STK32B: variants seen among roughly 807,000 people sequenced by gnomAD.
The protein encoded by STK32B is serine/threonine-protein kinase 32B.
Under a neutral mutation model 52.6 loss-of-function variants are expected in STK32B, and 43 were observed. The ratio of observed to expected loss-of-function variants is 0.82; its 90% confidence interval spans 0.64 to 1.05. The LOEUF is 1.05. Among genes scored for constraint, STK32B ranks in the 50% least tolerant of loss-of-function variants. STK32B has a pLI of 0.00. For missense variants in STK32B, 621 were observed against 534.6 expected, an observed-to-expected ratio of 1.16 and a Z score of -1.59; for synonymous variants, 238 against 204.3, an observed-to-expected ratio of 1.17 and a Z score of -1.41.
At chr4:5,110,900 T>C (rs1275370270) in intron 1 of STK32B, among the ~76,000 whole-genome samples, 1 of 151,162 alleles carries the variant, frequency 6.6e-6, no homozygotes, top group Non-Finnish European at 1.5e-5. Flanking sequence ...TATAAGGAAC[T>C]CAAGCAACTC....
chr4:5,207,445 A>T (rs917845720), intron 3 of STK32B, among the ~76,000 whole-genome samples: 1 of 151,946 alleles, frequency 6.6e-6, no homozygotes, highest in Non-Finnish European at 1.5e-5. Context: ...ACCATGTAAG[A>T]CGTGACTTTG....
At chr4:5,312,870 C>T (rs1411898908) in intron 3 of STK32B, among the ~76,000 whole-genome samples, 1 of 152,034 alleles carries the variant, frequency 6.6e-6, no homozygotes, top group Non-Finnish European at 1.5e-5. Flanking sequence ...ACAGTGACTT[C>T]CACAATGGAT....
intron 2 of STK32B, among the ~76,000 whole-genome samples, chr4:5,157,548 G>C (rs189903554): frequency 2.2e-4 from 33 of 152,238 alleles, no homozygotes; most frequent in Non-Finnish European, 4.4e-4. Context: ...AAAGAAATGG[G>C]CCACGTGGGG....
chr4:5,318,016 A>G (rs1731226357), intron 3 of STK32B, among the ~76,000 whole-genome samples: 1 of 152,150 alleles, frequency 6.6e-6, no homozygotes, highest in Non-Finnish European at 1.5e-5. Flanking sequence ...AGGTCCCCAG[A>G]TCCTTCTGAA....
rs182020986 is a variant in STK32B, at chr4:5,185,178, T to G, written c.260+16728T>G. Among the ~76,000 whole-genome samples the G allele has an allele frequency of 4.6e-3, 704 of 152,366 alleles. 8 individuals are homozygous for G. Among genetic ancestry groups the G allele is most frequent in the Non-Finnish European group, 3.3e-3 (227 of 68,030 alleles). On this transcript the variant is annotated intron_variant, in intron 3 of 11. Transcript: ENST00000282908. ...CTGCATTTTCAAAATCCATTTCTAC[T>G]TACCTAATTGGCTGTATTTACTAGA...
chr4:5,324,541 G>A lies in STK32B; in HGVS notation c.261-6679G>A, dbSNP rs1399837090. ...AGGGTTTTTCAACCTCAGCACTGTT[G>A]CCATTTTGCAGTAGGTGATTGTGGT... On this transcript the variant is annotated intron_variant, in intron 3 of 11. Coordinates refer to ENST00000282908, the MANE Select transcript of STK32B (RefSeq NM_018401.3). 2.0e-5 allele frequency among the ~76,000 whole-genome samples: 3 copies of A among 152,152 alleles called. No homozygotes were observed. The East Asian group carries it at 5.8e-4, about 29-fold the overall frequency.
At chr4:5,201,354 A>G (rs889544920) in intron 3 of STK32B, among the ~76,000 whole-genome samples, 1 of 152,108 alleles carries the variant, frequency 6.6e-6, no homozygotes, top group African/African-American at 2.4e-5. Flanking sequence ...GCAGGTTTCC[A>G]TGGGGCCGGA....
intron 3 of STK32B, among the ~76,000 whole-genome samples, chr4:5,199,603 G>C (rs62298534): frequency 0.081 from 12,186 of 150,672 alleles, 871 homozygotes; most frequent in Admixed American, 0.18. Flanking sequence ...ACTTCTCTTT[G>C]GTTTTCTAAT....
intron 3 of STK32B, among the ~76,000 whole-genome samples, chr4:5,286,701 A>G (rs537208528): frequency 6.6e-6 from 1 of 152,126 alleles, no homozygotes; most frequent in East Asian, 1.9e-4. Flanking sequence ...AATCTGTTGG[A>G]ATTCAAAATA....
intron 7 of STK32B, among the ~76,000 whole-genome samples, chr4:5,447,520 C>G (rs1341366826): frequency 6.6e-6 from 1 of 152,106 alleles, no homozygotes. Context: ...CTTGTAGTCT[C>G]AGCTACTTGG....
intron 1 of STK32B, among the ~76,000 whole-genome samples, chr4:5,083,587 A>G (rs1231744858): frequency 1.3e-5 from 2 of 152,244 alleles, no homozygotes; most frequent in Non-Finnish European, 2.9e-5. Flanking sequence ...CATTACTGCT[A>G]TTTTAAACTA....
At position 5,399,744 on chromosome 4, in the gene STK32B, C is replaced by G. The variant is rs1201847144; in HGVS notation, c.472+1500C>G. 6.6e-6 allele frequency among the ~76,000 whole-genome samples: 1 copy of G among 152,146 alleles called. No homozygotes were observed. The highest frequency in any genetic ancestry group is 6.5e-5 in the Admixed American group (1 of 15,276). Reference sequence around the variant, plus strand: ...CAGCAGCGATGCAGAAGTAATTGACCCACCTTGCAGGGTGGTGAATGTCTC... The same window carrying G: ...CAGCAGCGATGCAGAAGTAATTGACGCACCTTGCAGGGTGGTGAATGTCTC... On this transcript the variant is annotated intron_variant, in intron 5 of 11. Transcript: ENST00000282908. The surrounding 1 kb of genome is among the most constrained non-coding windows in gnomAD (Gnocchi z 5.4).
At chr4:5,279,339 AG>A (rs1728045009) in intron 3 of STK32B, among the ~76,000 whole-genome samples, 1 of 152,254 alleles carries the variant, frequency 6.6e-6, no homozygotes, top group South Asian at 2.1e-4. Context: ...TTTGAAACCC[AG>A]TAAGGCAGTC....
rs9993373 is a variant in STK32B, at chr4:5,293,313, C to A, written c.261-37907C>A. Among the ~76,000 whole-genome samples, 5 of 151,862 alleles carry A rather than the reference C, an allele frequency of 3.3e-5. No homozygotes were observed. In the South Asian group the frequency reaches 1.0e-3, roughly 32 times the overall value. On this transcript the variant is annotated intron_variant, in intron 3 of 11. Coordinates refer to ENST00000282908, the MANE Select transcript of STK32B (RefSeq NM_018401.3). ...CCTTTGGGTATATACCCAGTAATGA[C>A]ATTACTGGGTCAAATGGTATTTTTG...
intron 1 of STK32B, among the ~76,000 whole-genome samples, chr4:5,127,449 C>T (rs1037085785): frequency 6.6e-6 from 1 of 152,112 alleles, no homozygotes; most frequent in African/African-American, 2.4e-5. Flanking sequence ...GTGGCTCATT[C>T]AGTTACATCC....
rs1716949646 is a variant in STK32B, at chr4:5,460,514, T to C, written c.909+286T>C. Among the ~76,000 whole-genome samples the C allele has an allele frequency of 6.6e-6, 1 of 152,146 alleles. No individual in the cohort carries two copies. The highest frequency in any genetic ancestry group is 1.5e-5 in the Non-Finnish European group (1 of 68,038). On this transcript the variant is annotated intron_variant, in intron 9 of 11. Coordinates refer to ENST00000282908, the MANE Select transcript of STK32B (RefSeq NM_018401.3). The surrounding 1 kb of genome is among the most constrained non-coding windows in gnomAD (Gnocchi z 4.8). ...AGGTCCAGGTGTGGGGATAGCAGGC[T>C]GATCTACCCTTCTGCCTCCACAGAG...
At chr4:5,346,796 A>C (rs1733493604) in intron 4 of STK32B, among the ~76,000 whole-genome samples, 1 of 146,902 alleles carries the variant, frequency 6.8e-6, no homozygotes, top group South Asian at 2.1e-4. Flanking sequence ...GTTATAAAGA[A>C]ATATCCAAGA....
intron 1 of STK32B, among the ~76,000 whole-genome samples, chr4:5,055,449 C>G (rs755208863): frequency 6.6e-6 from 1 of 152,044 alleles, no homozygotes; most frequent in Non-Finnish European, 1.5e-5. Flanking sequence ...CATGGTCTGT[C>G]CCTACCCCCG....
At chr4:5,384,440 C>G (rs1736117434) in intron 4 of STK32B, among the ~76,000 whole-genome samples, 1 of 151,672 alleles carries the variant, frequency 6.6e-6, no homozygotes, top group African/African-American at 2.4e-5. Context: ...AGAGAATGCC[C>G]TCTAAAATGG....
Sources: gnomAD v4.1 joint callset for allele counts (sites outside exome capture counted in the v4.1 genomes callset) on GRCh38, gnomAD v4.1.1 for gene constraint, Gnocchi (gnomAD v3.1) non-coding constraint, MANE v1.5 for transcripts, NCBI Gene and HGNC (gene_info 2026-07-23, HGNC 2026-07-21) for gene names.